The following THSD7B variants were observed in gnomAD, a reference collection of about 807,000 sequenced individuals.
The protein encoded by THSD7B is thrombospondin type 1 domain containing 7B.
In THSD7B, 138 loss-of-function variants were observed where a neutral mutation model predicts 213.6. The observed-to-expected ratio is 0.65, with a 90% CI of 0.56 to 0.74. The LOEUF (loss-of-function observed/expected upper bound fraction) is 0.74. Among genes scored for constraint, THSD7B ranks in the 30% least tolerant of loss-of-function variants. THSD7B has a pLI of 0.00. For missense variants in THSD7B, 1,931 were observed against 1,991.5 expected, an observed-to-expected ratio of 0.97 and a Z score of 0.58; for synonymous variants, 742 against 687.0, an observed-to-expected ratio of 1.08 and a Z score of -1.25.
At chr2:137,388,685 T>C (rs76976060) in intron 12 of THSD7B, among the ~76,000 whole-genome samples, 4,488 of 152,098 alleles carry the variant, frequency 0.03, 235 homozygotes, top group African/African-American at 0.1. Context: ...CATATCCTTC[T>C]CATCCTCTGG....
chr2:137,280,846 T>C (rs1312123602), intron 12 of THSD7B, among the ~76,000 whole-genome samples: 1 of 152,168 alleles, frequency 6.6e-6, no homozygotes, highest in Non-Finnish European at 1.5e-5. Flanking sequence ...GCCGAGATGC[T>C]GTCGTTTCTG....
At chr2:137,666,742 A>G (rs1573776079) in intron 26 of THSD7B, among the ~76,000 whole-genome samples, 1 of 152,232 alleles carries the variant, frequency 6.6e-6, no homozygotes, top group East Asian at 1.9e-4. Flanking sequence ...GAGCAAAAAG[A>G]CATTAGAGTG....
chr2:137,102,946 A>G (rs1408725977), intron 4 of THSD7B, among the ~76,000 whole-genome samples: 1 of 152,190 alleles, frequency 6.6e-6, no homozygotes, highest in Non-Finnish European at 1.5e-5. Flanking sequence ...GAATGGAACC[A>G]AGTTGGAAAA....
intron 14 of THSD7B, among the ~76,000 whole-genome samples, chr2:137,432,974 C>T (rs1336420600): frequency 2.0e-5 from 3 of 152,134 alleles, no homozygotes; most frequent in African/African-American, 7.2e-5. Flanking sequence ...CTCATTTACT[C>T]ATTAACATAG....
intron 12 of THSD7B, among the ~76,000 whole-genome samples, chr2:137,291,091 C>T (rs185219637): frequency 5.2e-4 from 79 of 152,156 alleles, no homozygotes; most frequent in African/African-American, 1.8e-3. Context: ...TGCTCTCTCT[C>T]ATATCCCTAA....
chr2:137,165,249 G>T (rs1185737376), intron 6 of THSD7B, among the ~76,000 whole-genome samples: 1 of 152,156 alleles, frequency 6.6e-6, no homozygotes, highest in Non-Finnish European at 1.5e-5. Flanking sequence ...CCTGATGATT[G>T]TTATTCAGGT....
chr2:136,870,040 C>A (rs1232879756), intron 1 of THSD7B, among the ~76,000 whole-genome samples: 2 of 146,182 alleles, frequency 1.4e-5, no homozygotes, highest in Admixed American at 1.4e-4. Flanking sequence ...CCACTGCACT[C>A]CGGGCTGGGC....
chr2:137,411,475 A>G (rs1441412302), intron 13 of THSD7B, 134 bp from the exon 14 acceptor site: 8 of 820,338 alleles, frequency 9.8e-6, no homozygotes, highest in Non-Finnish European at 1.4e-5. Flanking sequence ...ATTTACTTTC[A>G]TGACAAAAGA....
intron 2 of THSD7B, among the ~76,000 whole-genome samples, chr2:136,945,515 C>T (rs1022434653): frequency 6.6e-6 from 1 of 152,132 alleles, no homozygotes; most frequent in African/African-American, 2.4e-5. Flanking sequence ...GAATGTTGGT[C>T]TGCCTGTCTA....
At chr2:136,821,083 T>C (rs1235196507) in intron 1 of THSD7B, among the ~76,000 whole-genome samples, 1 of 152,218 alleles carries the variant, frequency 6.6e-6, no homozygotes, top group Non-Finnish European at 1.5e-5. Flanking sequence ...ACAATCTCAT[T>C]GAATATTCTT....
At chr2:137,009,670 C>G (rs1364611670) in intron 2 of THSD7B, among the ~76,000 whole-genome samples, 3 of 152,126 alleles carry the variant, frequency 2.0e-5, no homozygotes, top group Non-Finnish European at 4.4e-5. Context: ...ACTATCAGAT[C>G]TCGTGAGACT....
intron 2 of THSD7B, among the ~76,000 whole-genome samples, chr2:136,976,857 G>C (rs1685489912): frequency 6.6e-6 from 1 of 152,114 alleles, no homozygotes; most frequent in East Asian, 1.9e-4. Context: ...TCCTGACCTC[G>C]TGATCCACCC....
chr2:136,852,814 T>C (rs1381346892), intron 1 of THSD7B, among the ~76,000 whole-genome samples: 2 of 152,174 alleles, frequency 1.3e-5, no homozygotes, highest in African/African-American at 2.4e-5. Context: ...GATTTCAAGT[T>C]CTGATTGTTT....
intron 10 of THSD7B, among the ~76,000 whole-genome samples, chr2:137,267,412 T>A (rs1224960279): frequency 1.3e-5 from 2 of 152,094 alleles, no homozygotes; most frequent in East Asian, 3.9e-4. Context: ...AACACTGAAA[T>A]CTGTAAGCGA....
At chr2:137,245,207 A>G (rs1203138665) in intron 10 of THSD7B, among the ~76,000 whole-genome samples, 1 of 152,134 alleles carries the variant, frequency 6.6e-6, no homozygotes, top group African/African-American at 2.4e-5. Context: ...GGGGCATAAG[A>G]GCATGGATGC....
At position 137,016,165 on chromosome 2, in the gene THSD7B, G is replaced by T. The variant is rs185456799; in HGVS notation, c.140-40255G>T. On this transcript the variant is annotated intron_variant, in intron 2 of 27. Transcript: ENST00000409968. The stretch of plus-strand genomic sequence containing the variant: ...AGGTAAAGTGTTCCTCATCTATGAG[G>T]AAATTGAGGCTTGGGGGGTGAGGTG... Among the ~76,000 whole-genome samples, 696 of 152,204 alleles carry T rather than the reference G, an allele frequency of 4.6e-3. 6 individuals carry two copies. The highest frequency in any genetic ancestry group is 0.015 in the African/African-American group (638 of 41,542).
At chr2:137,343,613 C>T (rs1684809555) in intron 12 of THSD7B, among the ~76,000 whole-genome samples, 1 of 151,614 alleles carries the variant, frequency 6.6e-6, no homozygotes, top group African/African-American at 2.4e-5. Flanking sequence ...TAGACTTTGT[C>T]CCCAGATACT....
At chr2:137,422,681 G>C (rs1005670147) in intron 14 of THSD7B, among the ~76,000 whole-genome samples, 2 of 152,164 alleles carry the variant, frequency 1.3e-5, no homozygotes, top group Admixed American at 1.3e-4. Flanking sequence ...ATAAAAGACT[G>C]TATTAGGGAC....
Position 137,584,567 on chromosome 2 carries a change from G to A in THSD7B, c.3423+12011G>A, listed in dbSNP as rs183654264. Reference sequence around the variant, plus strand: ...TGAAGGGCTGTTGAATTTTGTCAAAGGCCTTTTCTGCATCTATTGAGATAA... The same window carrying A: ...TGAAGGGCTGTTGAATTTTGTCAAAAGCCTTTTCTGCATCTATTGAGATAA... On this transcript the variant is annotated intron_variant, in intron 17 of 27. Coordinates refer to ENST00000409968, the MANE Select transcript of THSD7B (RefSeq NM_001316349.2). Among the ~76,000 whole-genome samples the A allele has an allele frequency of 3.7e-3, 565 of 152,184 alleles. 2 individuals are homozygous for A. Among genetic ancestry groups the A allele is most frequent in the African/African-American group, 0.013 (541 of 41,508 alleles).
Sources: gnomAD v4.1 joint callset for allele counts (sites outside exome capture counted in the v4.1 genomes callset) on GRCh38, gnomAD v4.1.1 for gene constraint, MANE v1.5 for transcripts, NCBI Gene and HGNC (gene_info 2026-07-23, HGNC 2026-07-21) for gene names.